The following TRAF3IP2 variants were observed in gnomAD, a reference collection of about 807,000 sequenced individuals.
TRAF3IP2 encodes the protein TRAF3 interacting protein 2.
TRAF3IP2 carries 35 observed loss-of-function variants against 57.9 expected under a neutral mutation model. The ratio of observed to expected loss-of-function variants is 0.60; its 90% CI spans 0.46 to 0.80. The LOEUF is 0.80. Ranked by LOEUF, TRAF3IP2 falls within the 30% of genes least tolerant of loss-of-function variation. TRAF3IP2 has a pLI of 0.00. For missense variants in TRAF3IP2, 556 were observed against 706.4 expected (o/e 0.79, Z 2.41); for synonymous variants, 251 against 268.9 (o/e 0.93, Z 0.65).
At chr6:111,562,008 C>T (rs551704849) in intron 8 of TRAF3IP2, among the ~76,000 whole-genome samples, 9 of 152,324 alleles carry the variant, frequency 5.9e-5, no homozygotes, top group Admixed American at 5.2e-4. Flanking sequence ...TCATCCAGGG[C>T]AGGGGTCTCA....
At chr6:111,587,016 G>C (rs1796357634) in intron 2 of TRAF3IP2, 1 of 151,972 alleles carries the variant, frequency 6.6e-6, no homozygotes, top group South Asian at 2.1e-4. Flanking sequence ...ACTCATTGCT[G>C]CTGGAGGCCT....
intron 1 of TRAF3IP2, chr6:111,598,353 T>TA: frequency 6.2e-6 from 1 of 160,692 alleles, no homozygotes; most frequent in Non-Finnish European, 1.4e-5. Context: ...TGCAGAGATA[T>TA]GTATATCTTG....
Position 111,567,693 on chromosome 6 carries a change from C to T in TRAF3IP2, c.1291-1G>A. 2 of 1,597,084 alleles carry T rather than the reference C, an allele frequency of 1.3e-6. No individual in the cohort carries two copies. The highest frequency in any genetic ancestry group is 1.7e-6 in the Non-Finnish European group (2 of 1,174,284). ...GGATTCTATCCTCAAATATGTCAAT[C>T]TGCAAAAAAAAAGATGTGGGAGTTG... On this transcript the variant is annotated splice_acceptor_variant, in intron 5 of 8. Transcript: ENST00000368761. LOFTEE classifies it high-confidence loss of function.
At chr6:111,589,613 G>A (rs1019454772) in intron 2 of TRAF3IP2, among the ~76,000 whole-genome samples, 2 of 151,938 alleles carry the variant, frequency 1.3e-5, no homozygotes, top group East Asian at 3.9e-4. Flanking sequence ...TATACACCAC[G>A]TCCCAGTTTT....
At chr6:111,601,523 A>G (rs767313144) in intron 1 of TRAF3IP2, 6 of 261,448 alleles carry the variant, frequency 2.3e-5, no homozygotes, top group Non-Finnish European at 3.7e-5. Flanking sequence ...CCAGAAGAAG[A>G]CAAATAGCAC....
intron 1 of TRAF3IP2, among the ~76,000 whole-genome samples, chr6:111,593,645 C>T (rs174385): frequency 0.73 from 110,978 of 151,928 alleles, 41,223 homozygotes; most frequent in Admixed American, 0.81. Flanking sequence ...CAACTTCTAA[C>T]TTCCGGCTGG....
At chr6:111,571,155 A>G (rs1220489602) in intron 5 of TRAF3IP2, among the ~76,000 whole-genome samples, 2 of 148,394 alleles carry the variant, frequency 1.3e-5, no homozygotes, top group Non-Finnish European at 3.0e-5. Context: ...GGCTCACTGC[A>G]ACCTTCACCT....
At position 111,555,932 on chromosome 6, in the gene TRAF3IP2, T is replaced by C. The variant is rs964878586; in HGVS notation, c.*3473A>G. ...TCCTGGCTAACACGGTGAAACCCCG[T>C]CTCTACTAAAAATACAAAAAATTAG... On this transcript the variant is annotated 3_prime_UTR_variant, in exon 9 of 9. Coordinates refer to ENST00000368761, the MANE Select transcript of TRAF3IP2 (RefSeq NM_147686.4). Among the ~76,000 whole-genome samples, 16 of 151,714 alleles carry C rather than the reference T, an allele frequency of 1.1e-4. No individual in the cohort carries two copies. The highest frequency in any genetic ancestry group is 2.1e-4 in the Non-Finnish European group (14 of 67,944).
At chr6:111,594,639 G>C (rs1796622791) in intron 1 of TRAF3IP2, 1 of 353,072 alleles carries the variant, frequency 2.8e-6, no homozygotes, top group Non-Finnish European at 5.6e-6. Flanking sequence ...CTGGGGCTGG[G>C]CGTGGTGGCT....
Position 111,575,720 on chromosome 6 carries a change from G to A in TRAF3IP2, c.1124C>T (p.Pro375Leu). Reference sequence around the variant, plus strand: ...GCTAGGGGGTCTAGGCACAGCAGCTGGGGACGGAGGCTGGGGAACCTGTGG... The same window carrying A: ...GCTAGGGGGTCTAGGCACAGCAGCTAGGGACGGAGGCTGGGGAACCTGTGG... ...LRPQVPQPPS[P>L]AAVPRPPSNP... Residue 375 changes from proline (P) to leucine (L), a missense_variant, in exon 4 of 9, where the codon CCA (proline) becomes CTA (leucine). Transcript: ENST00000368761. The A allele has an allele frequency of 6.8e-6, 11 of 1,612,770 alleles. No homozygotes were observed. The highest frequency in any genetic ancestry group is 9.3e-6 in the Non-Finnish European group (11 of 1,179,606).
intron 5 of TRAF3IP2, among the ~76,000 whole-genome samples, chr6:111,572,265 T>C (rs997366651): frequency 2.0e-5 from 3 of 152,176 alleles, no homozygotes; most frequent in Non-Finnish European, 4.4e-5. Flanking sequence ...AGTGTGTGTT[T>C]CCTGAGATTT....
intron 2 of TRAF3IP2, among the ~76,000 whole-genome samples, chr6:111,589,329 G>T (rs139822960): frequency 6.6e-6 from 1 of 152,186 alleles, no homozygotes; most frequent in Admixed American, 6.5e-5. Context: ...CTCCCAAAGT[G>T]CTGGGATTAC....
Position 111,559,426 on chromosome 6 carries a change from G to T in TRAF3IP2, c.1677C>A (p.Thr559=). The T allele has an allele frequency of 6.2e-7, 1 of 1,613,876 alleles. No homozygotes were observed. The highest frequency in any genetic ancestry group is 8.5e-7 in the Non-Finnish European group (1 of 1,179,996). The change falls in exon 9 of 9, where the codon ACC becomes ACA. Residue 559 remains threonine, a synonymous_variant. Coordinates refer to ENST00000368761, the MANE Select transcript of TRAF3IP2 (RefSeq NM_147686.4). The part of the protein sequence containing the change: ...YVAPPRGPLP[T]LQVVPL ...GGTGTCACAAGGGAACCACCTGAAG[G>T]GTGGGCAGAGGCCCCCGTGGAGGAG...
rs1013856785 is a variant in TRAF3IP2, at chr6:111,555,988, A to C, written c.*3417T>G. The stretch of plus-strand genomic sequence containing the variant: ...CATGGTGGCAGGTGCCTGTAGTCAC[A>C]GCTACTCGAGAGGCTGAGGCAGGAG... On this transcript the variant is annotated 3_prime_UTR_variant, in exon 9 of 9. Coordinates refer to ENST00000368761, the MANE Select transcript of TRAF3IP2 (RefSeq NM_147686.4). 6.6e-6 allele frequency among the ~76,000 whole-genome samples: 1 copy of C among 152,098 alleles called. No homozygotes were observed. Among genetic ancestry groups the C allele is most frequent in the African/African-American group, 2.4e-5 (1 of 41,408 alleles).
At chr6:111,578,172 T>A (rs1221944309) in intron 3 of TRAF3IP2, among the ~76,000 whole-genome samples, 1 of 152,228 alleles carries the variant, frequency 6.6e-6, no homozygotes, top group Non-Finnish European at 1.5e-5. Context: ...AAGTTTATTT[T>A]AAAAATTACT....
intron 2 of TRAF3IP2, among the ~76,000 whole-genome samples, chr6:111,582,173 G>T (rs1249798929): frequency 6.6e-6 from 1 of 152,162 alleles, no homozygotes; most frequent in Non-Finnish European, 1.5e-5. Flanking sequence ...CTGGCGATGT[G>T]CCCAAGCTAG....
At chr6:111,588,916 A>T (rs1023298548) in intron 2 of TRAF3IP2, among the ~76,000 whole-genome samples, 1 of 152,200 alleles carries the variant, frequency 6.6e-6, no homozygotes, top group East Asian at 1.9e-4. Flanking sequence ...AAATATATGC[A>T]AAGAAAAAAA....
chr6:111,569,650 G>C (rs765105280), intron 5 of TRAF3IP2, among the ~76,000 whole-genome samples: 59 of 152,320 alleles, frequency 3.9e-4, no homozygotes, highest in Non-Finnish European at 3.2e-4. Context: ...CAGTTACTCA[G>C]GAGGCTCAGG....
rs975417820 is a variant in TRAF3IP2, at chr6:111,575,677, T to A, written c.1167A>T (p.Gly389=). The A allele has an allele frequency of 6.2e-7, 1 of 1,613,100 alleles. No individual in the cohort carries two copies. The change falls in exon 4 of 9, where the codon GGA becomes GGT. Residue 389 remains glycine (G), a synonymous_variant. Coordinates refer to ENST00000368761, the MANE Select transcript of TRAF3IP2 (RefSeq NM_147686.4). ...CTGGCAAATTGCTTGTTTTTAGAGTTCCTCTGGCTGGAGGGTTGCTAGGGG... is the reference window on the plus strand; with the variant it reads ...CTGGCAAATTGCTTGTTTTTAGAGTACCTCTGGCTGGAGGGTTGCTAGGGG... ...PRPPSNPPAR[G]TLKTSNLPEE...
Sources: allele counts gnomAD v4.1 joint callset (sites outside exome capture counted in the v4.1 genomes callset), GRCh38; gene constraint gnomAD v4.1.1; transcripts MANE v1.5; gene names NCBI Gene and HGNC (gene_info 2026-07-23, HGNC 2026-07-21).